Variants in TMEM51 observed in about 807,000 individuals in gnomAD.
TMEM51 encodes chromosome 1 open reading frame 72.
TMEM51 carries 8 observed loss-of-function variants against 13.6 expected under a neutral mutation model. That is an observed-to-expected ratio of 0.59 (90% CI 0.35 to 1.07). The LOEUF (loss-of-function observed/expected upper bound fraction) is 1.07, where lower values mean the gene tolerates loss of function less well. Ranked by LOEUF, TMEM51 falls within the 50% of genes least tolerant of loss-of-function variation. The pLI is 0.02. For synonymous variants in TMEM51, 147 were observed against 144.4 expected (o/e 1.02, Z -0.13); for missense variants, 279 against 330.7 (o/e 0.84, Z 1.21).
rs1644409647 is a variant in TMEM51, at chr1:15,215,253, G to C, written c.166G>C (p.Gly56Arg). 1.2e-6 allele frequency: 2 copies of C among 1,614,076 alleles called. No individual in the cohort carries two copies. The highest frequency in any genetic ancestry group is 1.7e-6 in the Non-Finnish European group (2 of 1,180,046). Reference sequence around the variant, plus strand: ...CAGCAACAAGACCGAGGTGGGTGGCGGCATCCTCAAGAGCAAGACCTTCTC... The same window carrying C: ...CAGCAACAAGACCGAGGTGGGTGGCCGCATCCTCAAGAGCAAGACCTTCTC... ...QGSNKTEVGG[G>R]ILKSKTFSVA... Residue 56 changes from glycine to arginine, a missense_variant, in exon 3 of 4, where the codon GGC becomes CGC. By Grantham distance (125) the Gly-to-Arg change is moderately radical (BLOSUM62 -2). Transcript: ENST00000376008.
At position 15,195,746 on chromosome 1, in the gene TMEM51, GGGTAC is replaced by G. The variant is rs1644034438; in HGVS notation, c.-266-14743_-266-14739del. ...GCTGGCCCAGGGTTGCACACCTAGT[GGGTAC>G]TGAGCCTGATTCCAGACTCCAGCAG... On this transcript the variant is annotated intron_variant, in intron 1 of 3. Coordinates refer to ENST00000376008, the MANE Select transcript of TMEM51 (RefSeq NM_001136218.2). Among the ~76,000 whole-genome samples, 5 of 152,274 alleles carry G rather than the reference GGGTAC, an allele frequency of 3.3e-5. No individual in the cohort carries two copies. In the South Asian group the frequency reaches 1.0e-3, roughly 32 times the overall value.
intron 3 of TMEM51, among the ~76,000 whole-genome samples, chr1:15,217,056 A>T (rs1227704166): frequency 1.3e-5 from 2 of 152,190 alleles, no homozygotes; most frequent in Admixed American, 1.3e-4. Flanking sequence ...TGTAATATGG[A>T]TTAAAGGGAA....
chr1:15,185,475 A>G (rs1349023445), intron 1 of TMEM51, among the ~76,000 whole-genome samples: 1 of 152,178 alleles, frequency 6.6e-6, no homozygotes, highest in Non-Finnish European at 1.5e-5. Flanking sequence ...GAGGCCCAAT[A>G]CTTCTTGGAA....
chr1:15,192,305 G>C, intron 1 of TMEM51: 1 of 365,684 alleles, frequency 2.7e-6, no homozygotes. Flanking sequence ...AGGATCTACT[G>C]GTCTTGAAAG....
At chr1:15,184,762 T>G (rs182720619) in intron 1 of TMEM51, among the ~76,000 whole-genome samples, 30 of 152,222 alleles carry the variant, frequency 2.0e-4, no homozygotes, top group Admixed American at 3.3e-4. Context: ...TATCTTAATT[T>G]TTTAAAACTC....
chr1:15,215,498 T>A, intron 3 of TMEM51, 67 bp downstream of exon 3: 1 of 1,382,234 alleles, frequency 7.2e-7, no homozygotes, highest in Non-Finnish European at 9.6e-7. Context: ...ACACACATGT[T>A]CACACCTTTC....
intron 1 of TMEM51, among the ~76,000 whole-genome samples, chr1:15,176,377 T>G (rs1450101727): frequency 6.6e-6 from 1 of 152,204 alleles, no homozygotes; most frequent in Non-Finnish European, 1.5e-5. Flanking sequence ...AAGACGACTC[T>G]AAATGGCCGG....
At chr1:15,174,132 C>T (rs1469183504) in intron 1 of TMEM51, among the ~76,000 whole-genome samples, 2 of 152,236 alleles carry the variant, frequency 1.3e-5, no homozygotes, top group African/African-American at 4.8e-5. Context: ...TCGAGAGCAG[C>T]TGTCAGCACT....
At chr1:15,179,856 T>A (rs1401788895) in intron 1 of TMEM51, among the ~76,000 whole-genome samples, 1 of 152,058 alleles carries the variant, frequency 6.6e-6, no homozygotes. Flanking sequence ...GGCAGAAAGG[T>A]AGACTGAAAG....
chr1:15,185,797 C>T (rs569522363), intron 1 of TMEM51, among the ~76,000 whole-genome samples: 23 of 152,366 alleles, frequency 1.5e-4, no homozygotes, highest in African/African-American at 5.0e-4. Context: ...CTATGCCCAT[C>T]TGTGGGTACC....
At chr1:15,175,335 G>T (rs1031327347) in intron 1 of TMEM51, among the ~76,000 whole-genome samples, 1 of 152,318 alleles carries the variant, frequency 6.6e-6, no homozygotes, top group Non-Finnish European at 1.5e-5. Flanking sequence ...GGGAGGCAGA[G>T]GTTGCAGTGA....
chr1:15,206,197 C>T (rs1210777089), intron 1 of TMEM51, among the ~76,000 whole-genome samples: 36 of 144,298 alleles, frequency 2.5e-4, no homozygotes, highest in Admixed American at 1.6e-3. Context: ...GATCATGCCA[C>T]TGCAGCCTGG....
intron 2 of TMEM51, among the ~76,000 whole-genome samples, chr1:15,211,250 C>T (rs1038740694): frequency 6.6e-6 from 1 of 152,070 alleles, no homozygotes; most frequent in African/African-American, 2.4e-5. Flanking sequence ...TTTAGACATT[C>T]TTTTTGGAAT....
intron 1 of TMEM51, among the ~76,000 whole-genome samples, chr1:15,193,575 CTT>C (rs3078881): frequency 8.7e-6 from 1 of 114,644 alleles, no homozygotes; most frequent in African/African-American, 3.6e-5. Flanking sequence ...TTCTTTCTTT[CTT>C]TTTTTTTTTT....
At chr1:15,182,160 T>A (rs1477990739) in intron 1 of TMEM51, among the ~76,000 whole-genome samples, 2 of 125,920 alleles carry the variant, frequency 1.6e-5, no homozygotes, top group Non-Finnish European at 3.4e-5. Flanking sequence ...AAACTCCATC[T>A]CAAATAAATA....
intron 1 of TMEM51, chr1:15,168,693 A>G: frequency 7.7e-7 from 1 of 1,304,402 alleles, no homozygotes; most frequent in Non-Finnish European, 1.0e-6. Context: ...GAACACGCGT[A>G]CTGTCTCTCC....
intron 1 of TMEM51, chr1:15,171,457 T>A: frequency 1.4e-6 from 1 of 734,738 alleles, no homozygotes; most frequent in Non-Finnish European, 1.9e-6. Flanking sequence ...TGGAGAAGTC[T>A]ACAGCCAGCC....
At chr1:15,189,503 C>A (rs1198106553) in intron 1 of TMEM51, among the ~76,000 whole-genome samples, 1 of 152,168 alleles carries the variant, frequency 6.6e-6, no homozygotes, top group Non-Finnish European at 1.5e-5. Flanking sequence ...CTTAGCTCAT[C>A]TTTTGGATCT....
At position 15,173,144 on chromosome 1, in the gene TMEM51, G is replaced by A. The variant is rs1351975700; in HGVS notation, c.-267+19190G>A. Among the ~76,000 whole-genome samples the A allele has an allele frequency of 2.0e-5, 3 of 151,944 alleles. No individual in the cohort carries two copies. The East Asian group carries it at 5.8e-4, about 29-fold the overall frequency. On this transcript the variant is annotated intron_variant, in intron 1 of 3. Transcript: ENST00000376008. ...TAATAGTTGTGCCTGGACATGCCTAGGGAGTAGGTCAGATGGGCCCAGCAT... is the reference window on the plus strand; with the variant it reads ...TAATAGTTGTGCCTGGACATGCCTAAGGAGTAGGTCAGATGGGCCCAGCAT...
Sources: allele counts gnomAD v4.1 joint callset (sites outside exome capture counted in the v4.1 genomes callset), GRCh38; gene constraint gnomAD v4.1.1; transcripts MANE v1.5; gene names NCBI Gene and HGNC (gene_info 2026-07-23, HGNC 2026-07-21).